The following MTDH variants were observed in gnomAD, a reference collection of about 807,000 sequenced individuals.
The protein encoded by MTDH is protein LYRIC.
In MTDH, 34 loss-of-function variants were observed where a neutral mutation model predicts 72.7. The ratio of observed to expected loss-of-function variants is 0.47; its 90% CI spans 0.36 to 0.62. The LOEUF (loss-of-function observed/expected upper bound fraction) is 0.62, where lower values mean the gene tolerates loss of function less well. MTDH is among the 20% of genes least tolerant of loss of function. The pLI, the probability that MTDH is intolerant of heterozygous loss-of-function variation, is 0.00. For synonymous variants in MTDH, 266 were observed against 268.9 expected (o/e 0.99, Z 0.10); for missense variants, 677 against 699.4 (o/e 0.97, Z 0.36).
chr8:97,716,112 C>T (rs1457668251), intron 9 of MTDH, among the ~76,000 whole-genome samples: 4 of 151,952 alleles, frequency 2.6e-5, no homozygotes, highest in Non-Finnish European at 4.4e-5. Flanking sequence ...TATGGCTGGG[C>T]GCGGTGGCTC....
chr8:97,716,051 C>T (rs1247390493), intron 9 of MTDH, among the ~76,000 whole-genome samples: 2 of 151,986 alleles, frequency 1.3e-5, no homozygotes, highest in Non-Finnish European at 2.9e-5. Context: ...ATTTGATATC[C>T]ATGAAGTTCT....
chr8:97,646,924 A>G (rs1811585416), intron 1 of MTDH, among the ~76,000 whole-genome samples: 1 of 152,264 alleles, frequency 6.6e-6, no homozygotes, highest in Non-Finnish European at 1.5e-5. Context: ...GCAACCCACA[A>G]TAAGAAATAC....
At chr8:97,648,217 G>A (rs1003830575) in intron 1 of MTDH, among the ~76,000 whole-genome samples, 1 of 151,922 alleles carries the variant, frequency 6.6e-6, no homozygotes, top group Non-Finnish European at 1.5e-5. Flanking sequence ...AATTAAAAGT[G>A]AGGGGGGCCA....
At chr8:97,679,362 A>G (rs1812978734) in intron 2 of MTDH, among the ~76,000 whole-genome samples, 1 of 152,202 alleles carries the variant, frequency 6.6e-6, no homozygotes, top group Non-Finnish European at 1.5e-5. Flanking sequence ...ATAATAATAA[A>G]GTAGAAAGTA....
At chr8:97,650,249 C>T (rs1811718605) in intron 1 of MTDH, among the ~76,000 whole-genome samples, 1 of 152,038 alleles carries the variant, frequency 6.6e-6, no homozygotes, top group Non-Finnish European at 1.5e-5. Context: ...AGCCACCAGG[C>T]CCGGCCAGTT....
chr8:97,724,896 T>A lies in MTDH; in HGVS notation c.*226T>A. 1 of 359,712 alleles carries A rather than the reference T, an allele frequency of 2.8e-6. No homozygotes were observed. Among genetic ancestry groups the A allele is most frequent in the Non-Finnish European group, 5.0e-6 (1 of 200,372 alleles). 22.3% of individuals were successfully genotyped at this position (359,712 alleles called of 1,614,324 possible). A position where few individuals can be genotyped will look rare whatever the true frequency, so the allele number is the denominator to read the frequency against. On this transcript the variant is annotated 3_prime_UTR_variant, in exon 12 of 12. Transcript: ENST00000336273. ...TGATGGAAGACACTTGGGAAAGTCT[T>A]TTTAATAGAACAAGAACGATCTTAA...
At chr8:97,675,621 C>A (rs1812810791) in intron 2 of MTDH, among the ~76,000 whole-genome samples, 1 of 150,914 alleles carries the variant, frequency 6.6e-6, no homozygotes, top group Non-Finnish European at 1.5e-5. Context: ...ACCTGTAATC[C>A]CAGCACTTGG....
chr8:97,705,619 G>T (rs1283626438), intron 7 of MTDH, among the ~76,000 whole-genome samples: 1 of 152,104 alleles, frequency 6.6e-6, no homozygotes, highest in African/African-American at 2.4e-5. Flanking sequence ...AATAAAGAAA[G>T]AATTGAGTGT....
chr8:97,661,472 A>G (rs1422328855), intron 2 of MTDH, among the ~76,000 whole-genome samples: 3 of 152,200 alleles, frequency 2.0e-5, no homozygotes. Flanking sequence ...GATATATAAC[A>G]TATATACCTT....
chr8:97,697,381 GTTTTTTTT>G (rs755015450), intron 6 of MTDH, among the ~76,000 whole-genome samples: 1 of 80,178 alleles, frequency 1.2e-5, no homozygotes. Flanking sequence ...TATTATTTCG[GTTTTTTTT>G]TTTTTTTTTT....
chr8:97,698,284 A>T (rs902150285), intron 6 of MTDH, among the ~76,000 whole-genome samples: 1 of 152,188 alleles, frequency 6.6e-6, no homozygotes, highest in African/African-American at 2.4e-5. Flanking sequence ...TGTAAATTCC[A>T]ATTCAGAAGG....
chr8:97,682,269 TATATATATATA>T (rs1189418269), intron 2 of MTDH, among the ~76,000 whole-genome samples: 23 of 9,102 alleles, frequency 2.5e-3, no homozygotes, highest in South Asian at 4.4e-3. Flanking sequence ...TATATATATA[TATATATATATA>T]TTTTTTTTTT....
intron 1 of MTDH, among the ~76,000 whole-genome samples, chr8:97,660,145 G>C (rs1341047344): frequency 2.6e-5 from 4 of 152,094 alleles, no homozygotes; most frequent in Non-Finnish European, 5.9e-5. Flanking sequence ...GGCAACAAGA[G>C]CGAAACTCCG....
At chr8:97,686,837 C>T in intron 3 of MTDH, 85 bp downstream of exon 3, 5 of 906,740 alleles carry the variant, frequency 5.5e-6, no homozygotes, top group East Asian at 5.9e-5. Context: ...ATTTGTTTTA[C>T]TTAATTTTGT....
At chr8:97,647,283 A>T (rs998039040) in intron 1 of MTDH, among the ~76,000 whole-genome samples, 6 of 152,184 alleles carry the variant, frequency 3.9e-5, no homozygotes, top group Non-Finnish European at 8.8e-5. Context: ...ATACAACTGG[A>T]TGTGGACCCA....
In MTDH at chr8:97,677,469, C is replaced by T. The variant is rs367727293; in HGVS notation, c.484-9199C>T. Among the ~76,000 whole-genome samples the T allele has an allele frequency of 4.2e-5, 6 of 141,676 alleles. 1 individual carries two copies. The highest frequency in any genetic ancestry group is 1.5e-5 in the Non-Finnish European group (1 of 66,230). 92.9% of individuals were successfully genotyped at this position (141,676 alleles called of 152,430 possible). On this transcript the variant is annotated intron_variant, in intron 2 of 11. Coordinates refer to ENST00000336273, the MANE Select transcript of MTDH (RefSeq NM_178812.4). ...TCATGCCACTGCACTCTAGCCTGGGCGACAGAGCGAGACTCCATCTCAAAA... is the reference window on the plus strand; with the variant it reads ...TCATGCCACTGCACTCTAGCCTGGGTGACAGAGCGAGACTCCATCTCAAAA...
intron 1 of MTDH, among the ~76,000 whole-genome samples, chr8:97,654,307 C>T (rs1563521235): frequency 6.6e-6 from 1 of 152,184 alleles, no homozygotes; most frequent in Non-Finnish European, 1.5e-5. Context: ...GTGTGCATAA[C>T]ATTTGGCAGG....
intron 1 of MTDH, among the ~76,000 whole-genome samples, chr8:97,660,208 A>G (rs141589347): frequency 6.6e-6 from 1 of 152,312 alleles, no homozygotes; most frequent in Non-Finnish European, 1.5e-5. Flanking sequence ...CAGATTTGGG[A>G]ATCACACACT....
At chr8:97,719,935 A>G (rs576306962) in intron 10 of MTDH, among the ~76,000 whole-genome samples, 1 of 152,338 alleles carries the variant, frequency 6.6e-6, no homozygotes, top group African/African-American at 2.4e-5. Context: ...ACCATTTTAC[A>G]AAAGGCCTAG....
Sources: gnomAD v4.1 joint callset for allele counts (sites outside exome capture counted in the v4.1 genomes callset) on GRCh38, gnomAD v4.1.1 for gene constraint, MANE v1.5 for transcripts, NCBI Gene and HGNC (gene_info 2026-07-23, HGNC 2026-07-21) for gene names.